The following ZNG1A variants were observed in gnomAD, a reference collection of about 807,000 sequenced individuals.
The protein encoded by ZNG1A is Zn regulated GTPase metalloprotein activator 1A.
the ZNG1A span, among the ~76,000 whole-genome samples, chr9:168,286 C>T: frequency 6.6e-6 from 1 of 151,230 alleles, no homozygotes; most frequent in Admixed American, 6.6e-5. Context: ...TGGAGTCTCG[C>T]TCTGTCACCC....
chr9:128,636 G>C, the ZNG1A span, among the ~76,000 whole-genome samples: 1 of 148,870 alleles, frequency 6.7e-6, no homozygotes, highest in Non-Finnish European at 1.5e-5. Flanking sequence ...TTTCTCTGGT[G>C]CCTTAGCTTA....
the ZNG1A span, among the ~76,000 whole-genome samples, chr9:178,250 C>T: frequency 6.6e-6 from 1 of 150,898 alleles, no homozygotes; most frequent in Non-Finnish European, 1.5e-5. Flanking sequence ...TCTTGGAGGA[C>T]AGAGATTTTA....
the ZNG1A span, among the ~76,000 whole-genome samples, chr9:139,453 C>T: frequency 6.7e-6 from 1 of 149,966 alleles, no homozygotes; most frequent in South Asian, 2.1e-4. Context: ...CATCCTCATG[C>T]CTATAGTTAG....
the ZNG1A span, among the ~76,000 whole-genome samples, chr9:135,724 A>AG: frequency 0.012 from 1,246 of 100,132 alleles, 3 homozygotes; most frequent in East Asian, 0.048. Flanking sequence ...TTTGCCTTGA[A>AG]AACAGTGAGG....
At chr9:176,312 C>G in the ZNG1A span, among the ~76,000 whole-genome samples, 1 of 141,042 alleles carries the variant, frequency 7.1e-6, no homozygotes, top group African/African-American at 2.7e-5. Flanking sequence ...TCTTGTGAAC[C>G]GTACACACTA....
the ZNG1A span, chr9:146,647 G>C: frequency 3.3e-5 from 5 of 152,204 alleles, no homozygotes; most frequent in African/African-American, 1.3e-4. Flanking sequence ...CACGTGATTT[G>C]ATTTCATTCA....
chr9:170,485 C>G, the ZNG1A span, among the ~76,000 whole-genome samples: 2 of 150,860 alleles, frequency 1.3e-5, no homozygotes, highest in South Asian at 2.1e-4. Flanking sequence ...TCCCAGCTTT[C>G]AAGCGATTCT....
the ZNG1A span, chr9:149,221 T>G: frequency 6.6e-6 from 1 of 151,816 alleles, no homozygotes; most frequent in African/African-American, 2.4e-5. Flanking sequence ...CATGTTGCTT[T>G]TAAAATCCTT....
At chr9:176,784 G>A in the ZNG1A span, among the ~76,000 whole-genome samples, 1 of 151,688 alleles carries the variant, frequency 6.6e-6, no homozygotes, top group South Asian at 2.1e-4. Flanking sequence ...GAAAGGAAAG[G>A]GTGAATGTAA....
chr9:164,992 A>C, the ZNG1A span, among the ~76,000 whole-genome samples: 1 of 152,152 alleles, frequency 6.6e-6, no homozygotes, highest in East Asian at 1.9e-4. Context: ...TTTTTTTCCC[A>C]AAAACTTAAT....
the ZNG1A span, among the ~76,000 whole-genome samples, chr9:174,073 G>T: frequency 6.6e-6 from 1 of 151,178 alleles, no homozygotes; most frequent in South Asian, 2.1e-4. Flanking sequence ...CGTGAACCCG[G>T]GAGGCGGAGG....
chr9:121,752 G>A, the ZNG1A span: 1 of 1,080,056 alleles, frequency 9.3e-7, no homozygotes, highest in Non-Finnish European at 1.3e-6. Flanking sequence ...ATTGGTCCTT[G>A]GATTAACCAC....
At chr9:154,001 T>G in the ZNG1A span, 2 of 152,310 alleles carry the variant, frequency 1.3e-5, no homozygotes, top group East Asian at 1.9e-4. Context: ...ATAACCTCAT[T>G]TGAAAAGCCC....
chr9:154,468 G>C, the ZNG1A span: 4 of 527,546 alleles, frequency 7.6e-6, no homozygotes, highest in Admixed American at 1.4e-4. Flanking sequence ...GAAAGATGGA[G>C]TGCGAAGACC....
the ZNG1A span, chr9:171,766 T>C: frequency 2.9e-6 from 1 of 348,802 alleles, no homozygotes; most frequent in East Asian, 6.6e-5. Context: ...GGGACAACTG[T>C]ACTTAGAGGT....
chr9:170,386 CAT>C, the ZNG1A span, among the ~76,000 whole-genome samples: 1 of 146,578 alleles, frequency 6.8e-6, no homozygotes, highest in African/African-American at 2.7e-5. Context: ...TGCGCATGTG[CAT>C]GTGCGTGTGT....
the ZNG1A span, chr9:150,639 T>C: frequency 1.0e-6 from 1 of 982,740 alleles, no homozygotes; most frequent in South Asian, 4.8e-5. Flanking sequence ...GCAAGCACCA[T>C]ACACTGAATA....
chr9:171,676 C>T, the ZNG1A span: 1 of 241,256 alleles, frequency 4.1e-6, no homozygotes, highest in Non-Finnish European at 8.1e-6. Context: ...AAATACTACA[C>T]CATTTTATGT....
chr9:145,857 G>C, the ZNG1A span, among the ~76,000 whole-genome samples: 16 of 151,748 alleles, frequency 1.1e-4, no homozygotes, highest in Admixed American at 2.0e-4. Context: ...TGGTGTAGAA[G>C]TGTTAACGAT....
Sources: gnomAD v4.1 joint callset for allele counts (sites outside exome capture counted in the v4.1 genomes callset) on GRCh38, gnomAD v4.1.1 for gene constraint, MANE v1.5 for transcripts, NCBI Gene and HGNC (gene_info 2026-07-23, HGNC 2026-07-21) for gene names.